AP2A2: variants seen among roughly 807,000 people sequenced by gnomAD.
The protein encoded by AP2A2 is AP-2 complex subunit alpha-2.
A neutral mutation model predicts 104.2 loss-of-function variants in AP2A2; 32 were observed. The ratio of observed to expected loss-of-function variants is 0.31; its 90% CI spans 0.23 to 0.41. The LOEUF (loss-of-function observed/expected upper bound fraction) is 0.41, where lower values mean the gene tolerates loss of function less well. AP2A2 is among the 10% of genes least tolerant of loss of function. The pLI, the probability that AP2A2 is intolerant of heterozygous loss-of-function variation, is 1.00. For synonymous variants in AP2A2, 539 were observed against 533.3 expected, an observed-to-expected ratio of 1.01 and a Z score of -0.15; for missense variants, 912 against 1,261.0, an observed-to-expected ratio of 0.72 and a Z score of 4.19.
Position 993,506 on chromosome 11 carries a change from C to G in AP2A2, c.1550+125C>G. 1.4e-6 allele frequency: 1 copy of G among 735,988 alleles called. No homozygotes were observed. The allele number at this position is 735,988 out of a possible 1,614,324, so 45.6% of individuals were successfully genotyped here. A position where few individuals can be genotyped will look rare whatever the true frequency, so the allele number is the denominator to read the frequency against. On this transcript the variant is annotated intron_variant, in intron 12 of 21. Transcript: ENST00000448903. This position sits in a 1 kb window ranked among gnomAD's most constrained non-coding sequence, Gnocchi z 8.2. ...TCGCAGAGCCGCTTCTGCTCCCCAT[C>G]GGCGTCTTTTTGTTTTCCTTCAGTT...
At chr11:940,468 C>T (rs183266624) in intron 1 of AP2A2, among the ~76,000 whole-genome samples, 18 of 149,458 alleles carry the variant, frequency 1.2e-4, no homozygotes, top group African/African-American at 4.0e-4. Context: ...TTCTGCCTTT[C>T]GCGTTCTGTT....
chr11:935,348 C>T (rs571454273), intron 1 of AP2A2, among the ~76,000 whole-genome samples: 49 of 152,096 alleles, frequency 3.2e-4, no homozygotes, highest in African/African-American at 1.1e-3. Flanking sequence ...TGAGCCACCG[C>T]GCCCAGCTGG....
chr11:926,190 TGGGATGCGGGCGGGGCCCGGGGCCTG>T (rs1467279110), intron 1 of AP2A2, 102 bp downstream of exon 1: 1 of 625,648 alleles, frequency 1.6e-6, no homozygotes, highest in African/African-American at 2.7e-5. Context: ...GGGTGCAGGC[TGGGATGCGGGCGGGGCCCGGGGCCTG>T]AGGGTGCGGG....
At position 1,010,562 on chromosome 11, in the gene AP2A2, G is replaced by T; in HGVS notation, c.2757G>T (p.Thr919=). The change falls in exon 22 of 22, where the codon ACG becomes ACT. Residue 919 remains threonine (T), a synonymous_variant. Transcript: ENST00000448903. ...PNLQAQMYRL[T]LRTSKEAVSQ... ...CTCTGTTTCAGATGTACCGGCTCAC[G>T]CTGCGCACAAGTAAGGAAGCCGTTT... is the stretch of plus-strand genomic sequence containing the variant. The T allele has an allele frequency of 6.3e-7, 1 of 1,593,872 alleles. No individual in the cohort carries two copies. The highest frequency in any genetic ancestry group is 8.5e-7 in the Non-Finnish European group (1 of 1,170,416).
rs370391788 is a variant in AP2A2, at chr11:985,515, G to T, written c.895G>T (p.Val299Phe). The change falls in exon 8 of 22, where the codon GTC (valine) becomes TTC (phenylalanine). Residue 299 changes from valine (V) to phenylalanine (F), a missense_variant. By Grantham distance (50) the Val-to-Phe change is conservative (BLOSUM62 -1). Coordinates refer to ENST00000448903, the MANE Select transcript of AP2A2 (RefSeq NM_012305.4). ...CCAAGAACCGCCCAAGTCGAAGAAG[G>T]TCCAGCACTCCAACGCGAAGAATGC... ...KAQEPPKSKK[V>F]QHSNAKNAVL... 6 of 1,613,980 alleles carry T rather than the reference G, an allele frequency of 3.7e-6. No homozygotes were observed. The highest frequency in any genetic ancestry group is 5.1e-6 in the Non-Finnish European group (6 of 1,179,894).
At chr11:930,443 T>C (rs1337340520) in intron 1 of AP2A2, among the ~76,000 whole-genome samples, 1 of 152,130 alleles carries the variant, frequency 6.6e-6, no homozygotes, top group Non-Finnish European at 1.5e-5. Flanking sequence ...GCATTCAGTG[T>C]GTGAGAGTTA....
chr11:939,628 A>C (rs911640970), intron 1 of AP2A2, among the ~76,000 whole-genome samples: 6 of 151,966 alleles, frequency 3.9e-5, no homozygotes, highest in African/African-American at 1.4e-4. Flanking sequence ...TATTTTTATT[A>C]GAGACGGAGT....
intron 1 of AP2A2, among the ~76,000 whole-genome samples, chr11:953,624 T>TC (rs149211617): frequency 7.0e-5 from 3 of 42,904 alleles, no homozygotes; most frequent in Non-Finnish European, 2.2e-4. Flanking sequence ...CCTGGCTCCG[T>TC]CTGCCTCCGT....
chr11:999,073 G>A (rs1855946620), intron 14 of AP2A2, among the ~76,000 whole-genome samples: 1 of 152,190 alleles, frequency 6.6e-6, no homozygotes, highest in South Asian at 2.1e-4. Context: ...CCCAGAGCAG[G>A]TCTGAGCTCC....
chr11:947,801 A>G (rs946357987), intron 1 of AP2A2, among the ~76,000 whole-genome samples: 4 of 38,032 alleles, frequency 1.1e-4, no homozygotes, highest in Non-Finnish European at 2.9e-4. Context: ...CGTCTCTACA[A>G]AAAAAAATTA....
chr11:985,705 C>T (rs1855432045), intron 8 of AP2A2, 123 bp downstream of exon 8: 2 of 1,359,958 alleles, frequency 1.5e-6, no homozygotes, highest in Admixed American at 4.5e-5. Flanking sequence ...TTCGTCCTGC[C>T]TCTGTGCTCC....
rs141470223 is a variant in AP2A2, at chr11:950,024, G to A, written c.68-9413G>A. 3.2e-3 allele frequency among the ~76,000 whole-genome samples: 493 copies of A among 152,246 alleles called. 1 individual carries two copies. Among genetic ancestry groups the A allele is most frequent in the African/African-American group, 0.011 (476 of 41,528 alleles). On this transcript the variant is annotated intron_variant, in intron 1 of 21. Transcript: ENST00000448903. The stretch of plus-strand genomic sequence containing the variant: ...ATAATACTGGTATAAGGACAGATAC[G>A]TAGATACTGAGATAATAATATTGAG...
At chr11:987,725 C>A (rs1041895549) in intron 9 of AP2A2, among the ~76,000 whole-genome samples, 2 of 152,128 alleles carry the variant, frequency 1.3e-5, no homozygotes, top group Non-Finnish European at 2.9e-5. Context: ...TTGCGAGTCT[C>A]CAGAGCGACC....
At chr11:1,005,622 T>G (rs1336253633) in intron 16 of AP2A2, among the ~76,000 whole-genome samples, 2 of 152,172 alleles carry the variant, frequency 1.3e-5, no homozygotes, top group Non-Finnish European at 2.9e-5. Flanking sequence ...GCCTTGAGCC[T>G]CCTCAGGACT....
chr11:990,427 G>T (rs555086326), intron 10 of AP2A2, among the ~76,000 whole-genome samples: 4 of 151,802 alleles, frequency 2.6e-5, no homozygotes, highest in African/African-American at 9.7e-5. Context: ...CGGCCGTCAC[G>T]GGAGCCTCGT....
intron 1 of AP2A2, among the ~76,000 whole-genome samples, chr11:955,094 G>A (rs11821188): frequency 0.18 from 26,974 of 152,148 alleles, 3,010 homozygotes; most frequent in South Asian, 0.42. Context: ...GGTGGGTAAA[G>A]TAGAGGGCAC....
chr11:943,520 T>G (rs1393164877), intron 1 of AP2A2, among the ~76,000 whole-genome samples: 2 of 152,218 alleles, frequency 1.3e-5, no homozygotes, highest in East Asian at 3.8e-4. Flanking sequence ...TTTTTGCTTC[T>G]TCTTTCTTTG....
chr11:977,033 C>T, intron 4 of AP2A2, 62 bp from the exon 5 acceptor site: 2 of 1,602,854 alleles, frequency 1.2e-6, no homozygotes, highest in Non-Finnish European at 1.7e-6. Flanking sequence ...TGGGGGGGTG[C>T]TCCGTGCAGC....
chr11:931,259 C>T (rs372025985), intron 1 of AP2A2, among the ~76,000 whole-genome samples: 1 of 151,996 alleles, frequency 6.6e-6, no homozygotes, highest in African/African-American at 2.4e-5. Context: ...ATTGGGGAAA[C>T]AAGACCATAA....
Sources: allele counts gnomAD v4.1 joint callset (sites outside exome capture counted in the v4.1 genomes callset), GRCh38; gene constraint gnomAD v4.1.1; non-coding constraint Gnocchi (gnomAD v3.1); transcripts MANE v1.5; gene names NCBI Gene and HGNC (gene_info 2026-07-23, HGNC 2026-07-21).